LYPD8: variants seen among roughly 807,000 people sequenced by gnomAD.
LYPD8 encodes ly6/PLAUR domain-containing protein 8.
Under a neutral mutation model 1.7 loss-of-function variants are expected in LYPD8, and 8 were observed. The ratio of observed to expected loss-of-function variants is 4.58; its 90% CI spans 2.69 to 8.27. The LOEUF (loss-of-function observed/expected upper bound fraction) is 8.27, where lower values mean the gene tolerates loss of function less well. LYPD8 is among the 30% of genes most tolerant of loss of function. The pLI is 0.00. For synonymous variants in LYPD8, 50 were observed against 43.6 expected (o/e 1.15, Z -0.58); for missense variants, 112 against 102.3 (o/e 1.09, Z -0.41).
chr1:248,750,316 G>A (rs1662779188), intron 4 of LYPD8, among the ~76,000 whole-genome samples: 2 of 152,234 alleles, frequency 1.3e-5, no homozygotes, highest in Non-Finnish European at 2.9e-5. Context: ...ACACCACGAG[G>A]GGCTCCTGTG....
Position 248,750,649 on chromosome 1 carries a change from G to A in LYPD8, c.53-6C>T. ...CTGCACGCAGCTCAGAGATTCTGAG[G>A]AGACAAGACATCCAACACCAGTCAA... On this transcript the variant is annotated splice_polypyrimidine_tract_variant and splice_region_variant and intron_variant, in intron 3 of 6. Transcript: ENST00000590317. 2 of 398,570 alleles carry A rather than the reference G, an allele frequency of 5.0e-6. No homozygotes were observed. The allele number at this position is 398,570 out of a possible 1,614,324, so 24.7% of individuals were successfully genotyped here. A position where few individuals can be genotyped will look rare whatever the true frequency, so the allele number is the denominator to read the frequency against.
In LYPD8 at chr1:248,739,777, C is replaced by T. The variant is rs1318778863; in HGVS notation, c.548G>A (p.Gly183Asp). 7 of 1,551,632 alleles carry T rather than the reference C, an allele frequency of 4.5e-6. No homozygotes were observed. Among genetic ancestry groups the T allele is most frequent in the African/African-American group, 2.7e-5 (2 of 73,050 alleles). The change falls in exon 7 of 7, where the codon GGT (glycine) becomes GAT (aspartate). Residue 183 changes from glycine (G) to aspartate (D), a missense_variant. Coordinates refer to ENST00000590317, the MANE Select transcript of LYPD8 (RefSeq NM_001085474.2). The surrounding 1 kb of genome is among the most constrained non-coding windows in gnomAD (Gnocchi z 4.3). ...GACTCCTCCAAGAGTCTTGTTTTCA[C>T]CAGACAGGAACTGACAGGTGGCGTT... is the stretch of plus-strand genomic sequence containing the variant. Reference protein sequence around the residue: ...VSNATCQFLSGENKTLGGVIF... With the variant: ...VSNATCQFLSDENKTLGGVIF...
At position 248,754,543 on chromosome 1, in the gene LYPD8, TCA is replaced by T. The variant is rs1160737727; in HGVS notation, c.-50+694_-50+695del. ...AGAGACACATACACATCACACACCC[TCA>T]CACACACACACCCCACATGCCATTT... is the stretch of plus-strand genomic sequence containing the variant. On this transcript the variant is annotated intron_variant, in intron 2 of 6. Transcript: ENST00000590317. 1.0e-3 allele frequency among the ~76,000 whole-genome samples: 148 copies of T among 144,962 alleles called. 1 individual carries two copies. Among genetic ancestry groups the T allele is most frequent in the African/African-American group, 3.5e-3 (137 of 38,990 alleles).
intron 4 of LYPD8, among the ~76,000 whole-genome samples, chr1:248,749,947 A>T (rs1299238901): frequency 6.6e-6 from 1 of 152,134 alleles, no homozygotes; most frequent in Non-Finnish European, 1.5e-5. Flanking sequence ...TAGCAAAAAA[A>T]TAGCAAAATG....
At chr1:248,745,866 AG>A (rs1314483595) in intron 5 of LYPD8, among the ~76,000 whole-genome samples, 215 of 152,362 alleles carry the variant, frequency 1.4e-3, no homozygotes, top group Non-Finnish European at 2.4e-3. Flanking sequence ...GAGTACTACA[AG>A]GTTCAAACCA....
In LYPD8 at chr1:248,748,362, A is replaced by C. The variant is rs1662745878; in HGVS notation, c.264T>G (p.Ser88=). 1 of 463,532 alleles carries C rather than the reference A, an allele frequency of 2.2e-6. No homozygotes were observed. The highest frequency in any genetic ancestry group is 3.8e-6 in the Non-Finnish European group (1 of 265,736). 28.7% of individuals were successfully genotyped at this position (463,532 alleles called of 1,614,324 possible). Residue 88 remains serine, a synonymous_variant, in exon 5 of 7, where the codon TCT becomes TCG. Coordinates refer to ENST00000590317, the MANE Select transcript of LYPD8 (RefSeq NM_001085474.2). Reference sequence around the variant, plus strand: ...TTACAAAATGAAAGTGTTCTTCAGCAGACACGTGGACAGTGAAGGCTGTAA... The same window carrying C: ...TTACAAAATGAAAGTGTTCTTCAGCCGACACGTGGACAGTGAAGGCTGTAA... ...THITAFTVHV[S]AEEHFHFVSQ... is the part of the protein sequence containing the mutation.
At chr1:248,753,035 AC>A in intron 2 of LYPD8, among the ~76,000 whole-genome samples, 1 of 96,710 alleles carries the variant, frequency 1.0e-5, no homozygotes, top group Non-Finnish European at 2.0e-5. Flanking sequence ...CACCCCACAC[AC>A]CACACACACA....
chr1:248,745,735 T>C (rs1662718120), intron 5 of LYPD8, among the ~76,000 whole-genome samples: 1 of 152,200 alleles, frequency 6.6e-6, no homozygotes, highest in Non-Finnish European at 1.5e-5. Context: ...TTTATGACCA[T>C]GGCCAATAAA....
intron 1 of LYPD8, 76 bp from the exon 2 acceptor site, chr1:248,755,462 A>G (rs1662905257): frequency 6.6e-6 from 1 of 152,558 alleles, no homozygotes; most frequent in Non-Finnish European, 1.5e-5. Flanking sequence ...CACACTACAC[A>G]CAAACCACAC....
At chr1:248,753,146 A>AC (rs1662850965) in intron 2 of LYPD8, among the ~76,000 whole-genome samples, 1 of 104,678 alleles carries the variant, frequency 9.6e-6, no homozygotes. Context: ...CACCCCACAC[A>AC]CAAACACCCC....
At chr1:248,753,362 AT>A (rs1662862725) in intron 2 of LYPD8, among the ~76,000 whole-genome samples, 1 of 127,576 alleles carries the variant, frequency 7.8e-6, no homozygotes. Flanking sequence ...CAACACACAC[AT>A]CACATACACA....
At chr1:248,752,840 C>A (rs1662834528) in intron 2 of LYPD8, among the ~76,000 whole-genome samples, 3 of 99,828 alleles carry the variant, frequency 3.0e-5, no homozygotes, top group Non-Finnish European at 5.8e-5. Context: ...CACCACACCC[C>A]ACACACACAC....
chr1:248,755,261 A>G lies in LYPD8; in HGVS notation c.-72T>C, dbSNP rs1198433459. On this transcript the variant is annotated 5_prime_UTR_variant, in exon 2 of 7. It removes an upstream start codon present in the reference 5' UTR. Coordinates refer to ENST00000590317, the MANE Select transcript of LYPD8 (RefSeq NM_001085474.2). ...CACCTGGGACATGAGAAGAAGTGGC[A>G]TCTTAGGCCGTTTCACTAGGTACTT... is the stretch of plus-strand genomic sequence containing the variant. The G allele has an allele frequency of 6.6e-6, 1 of 152,280 alleles. No individual in the cohort carries two copies. Among genetic ancestry groups the G allele is most frequent in the Non-Finnish European group, 1.5e-5 (1 of 68,090 alleles). 9.4% of individuals were successfully genotyped at this position (152,280 alleles called of 1,614,324 possible). A position where few individuals can be genotyped will look rare whatever the true frequency, so the allele number is the denominator to read the frequency against.
chr1:248,751,181 A>G, intron 2 of LYPD8, 51 bp from the exon 3 acceptor site: 1 of 398,154 alleles, frequency 2.5e-6, no homozygotes, highest in East Asian at 3.6e-5. Flanking sequence ...GCTGCCTCTC[A>G]TCCCCTGGGG....
rs1662793017 is a variant in LYPD8, at chr1:248,751,022, T to C, written c.52+8A>G. On this transcript the variant is annotated splice_region_variant and intron_variant, in intron 3 of 6. Coordinates refer to ENST00000590317, the MANE Select transcript of LYPD8 (RefSeq NM_001085474.2). ...CATTCTAAAAAGGGGCCACGTGAGT[T>C]CTCTTACCTACAGCTGCAACAAGCA... 1 of 398,460 alleles carries C rather than the reference T, an allele frequency of 2.5e-6. No individual in the cohort carries two copies. The highest frequency in any genetic ancestry group is 4.4e-6 in the Non-Finnish European group (1 of 226,030). The allele number at this position is 398,460 out of a possible 1,614,324, so 24.7% of individuals were successfully genotyped here.
At chr1:248,745,368 G>A in intron 5 of LYPD8, 89 bp from the exon 6 acceptor site, 1 of 396,534 alleles carries the variant, frequency 2.5e-6, no homozygotes, top group South Asian at 1.3e-4. Flanking sequence ...GCACCAAAGA[G>A]ATCGGAGAAC....
chr1:248,752,201 G>A (rs1231128293), intron 2 of LYPD8, among the ~76,000 whole-genome samples: 1 of 152,002 alleles, frequency 6.6e-6, no homozygotes, highest in Non-Finnish European at 1.5e-5. Flanking sequence ...GTGGCTGTTG[G>A]CTGCTGTATT....
At chr1:248,744,089 C>G (rs1662676939) in intron 6 of LYPD8, among the ~76,000 whole-genome samples, 1 of 152,180 alleles carries the variant, frequency 6.6e-6, no homozygotes, top group Non-Finnish European at 1.5e-5. Flanking sequence ...ATTTTTAAGA[C>G]ATAGAGTCTT....
At chr1:248,753,490 ACAC>A (rs1160401483) in intron 2 of LYPD8, among the ~76,000 whole-genome samples, 1 of 127,406 alleles carries the variant, frequency 7.8e-6, no homozygotes, top group Non-Finnish European at 1.6e-5. Flanking sequence ...CACACACATC[ACAC>A]AACACACAAC....
Sources: gnomAD v4.1 joint callset for allele counts (sites outside exome capture counted in the v4.1 genomes callset) on GRCh38, gnomAD v4.1.1 for gene constraint, Gnocchi (gnomAD v3.1) non-coding constraint, MANE v1.5 for transcripts, NCBI Gene and HGNC (gene_info 2026-07-23, HGNC 2026-07-21) for gene names.